The following SORCS2 variants were observed in gnomAD, a reference collection of about 807,000 sequenced individuals.
The protein encoded by SORCS2 is VPS10 domain-containing receptor SorCS2.
A neutral mutation model predicts 141.6 loss-of-function variants in SORCS2; 100 were observed. The observed-to-expected ratio is 0.71, with a 90% CI of 0.60 to 0.83. The LOEUF (loss-of-function observed/expected upper bound fraction) is 0.83, where lower values mean the gene tolerates loss of function less well. SORCS2 is among the 40% of genes least tolerant of loss of function. The probability of loss-of-function intolerance (pLI) is 0.00; values close to 1 mark genes in which losing one functional copy is unlikely to be tolerated. For synonymous variants in SORCS2, 789 were observed against 676.9 expected, an observed-to-expected ratio of 1.17 and a Z score of -2.57; for missense variants, 1,646 against 1,560.2, an observed-to-expected ratio of 1.05 and a Z score of -0.93.
At chr4:7,367,765 A>G (rs1577454030) in intron 1 of SORCS2, among the ~76,000 whole-genome samples, 2 of 152,248 alleles carry the variant, frequency 1.3e-5, no homozygotes, top group East Asian at 3.8e-4. Flanking sequence ...TTATTTTTAA[A>G]TAAACTCGGG....
intron 2 of SORCS2, chr4:7,434,509 C>A (rs1270025377): frequency 1.2e-6 from 2 of 1,612,598 alleles, no homozygotes; most frequent in African/African-American, 2.7e-5. Context: ...GTCCGGGGCC[C>A]CACGGAGCAT....
intron 1 of SORCS2, among the ~76,000 whole-genome samples, chr4:7,205,622 C>T (rs974029829): frequency 6.6e-6 from 1 of 152,158 alleles, no homozygotes; most frequent in African/African-American, 2.4e-5. Context: ...TTGTTGCCTA[C>T]TTCATAATGG....
intron 1 of SORCS2, among the ~76,000 whole-genome samples, chr4:7,315,159 C>T (rs1039600644): frequency 6.6e-6 from 1 of 152,136 alleles, no homozygotes; most frequent in Non-Finnish European, 1.5e-5. Context: ...TTGTAGCTCT[C>T]CCCTCCACTG....
intron 2 of SORCS2, among the ~76,000 whole-genome samples, chr4:7,512,430 G>A (rs1307867184): frequency 7.1e-6 from 1 of 141,024 alleles, no homozygotes; most frequent in South Asian, 2.6e-4. Context: ...GGAGGAGGGG[G>A]AAGGGAGGGA....
intron 1 of SORCS2, among the ~76,000 whole-genome samples, chr4:7,319,641 A>C (rs1463684120): frequency 1.3e-5 from 2 of 152,126 alleles, no homozygotes; most frequent in East Asian, 3.9e-4. Context: ...TTGAGTCCAG[A>C]AGATTGAGGC....
chr4:7,334,634 C>A (rs1281696270), intron 1 of SORCS2, among the ~76,000 whole-genome samples: 4 of 152,266 alleles, frequency 2.6e-5, no homozygotes, highest in South Asian at 4.1e-4. Context: ...GATTCAGAGG[C>A]GGGGAGTGTG....
At chr4:7,383,413 C>T (rs28682976) in intron 1 of SORCS2, among the ~76,000 whole-genome samples, 73,902 of 152,134 alleles carry the variant, frequency 0.49, 19,375 homozygotes, top group Non-Finnish European at 0.59. Context: ...GCAGCGCTTC[C>T]TTTGTGCCTG....
chr4:7,679,526 G>T (rs2108961041), intron 9 of SORCS2, among the ~76,000 whole-genome samples: 1 of 152,328 alleles, frequency 6.6e-6, no homozygotes, highest in East Asian at 1.9e-4. Context: ...GTCCTTATCA[G>T]AGACAGGAGA....
intron 12 of SORCS2, among the ~76,000 whole-genome samples, chr4:7,700,061 G>A (rs955352982): frequency 2.6e-5 from 4 of 152,024 alleles, no homozygotes; most frequent in African/African-American, 7.2e-5. Flanking sequence ...CAGGGCTCCC[G>A]CCCCAGCCAC....
At chr4:7,559,023 T>C (rs1714337200) in intron 3 of SORCS2, among the ~76,000 whole-genome samples, 1 of 152,188 alleles carries the variant, frequency 6.6e-6, no homozygotes, top group African/African-American at 2.4e-5. Context: ...CTTCTCTGTG[T>C]TTTGAGCCAC....
intron 6 of SORCS2, among the ~76,000 whole-genome samples, chr4:7,662,576 C>G (rs1722246152): frequency 6.6e-6 from 1 of 152,174 alleles, no homozygotes; most frequent in African/African-American, 2.4e-5. Context: ...CCAGGGTTGC[C>G]CCTGAGTAGC....
chr4:7,601,550 C>T (rs1043926627), intron 3 of SORCS2, among the ~76,000 whole-genome samples: 27 of 138,878 alleles, frequency 1.9e-4, no homozygotes, highest in African/African-American at 6.9e-4. Flanking sequence ...GCTAAGGAGC[C>T]ACAGGTTGCA....
intron 1 of SORCS2, among the ~76,000 whole-genome samples, chr4:7,359,000 G>A (rs918320884): frequency 3.3e-5 from 5 of 152,170 alleles, no homozygotes; most frequent in South Asian, 4.1e-4. Context: ...CACAACACTC[G>A]GCTAATCAAA....
intron 1 of SORCS2, among the ~76,000 whole-genome samples, chr4:7,337,106 C>G (rs4374625): frequency 6.6e-6 from 1 of 151,972 alleles, no homozygotes; most frequent in African/African-American, 2.4e-5. Context: ...TCATGACCCA[C>G]TCCCGTCTGG....
At chr4:7,309,510 G>C (rs1434152851) in intron 1 of SORCS2, among the ~76,000 whole-genome samples, 3 of 152,180 alleles carry the variant, frequency 2.0e-5, no homozygotes, top group Non-Finnish European at 4.4e-5. Flanking sequence ...CGACACAGAC[G>C]ATGGGCTCTT....
intron 8 of SORCS2, among the ~76,000 whole-genome samples, chr4:7,671,865 T>G (rs1722817077): frequency 6.6e-6 from 1 of 151,970 alleles, no homozygotes; most frequent in African/African-American, 2.4e-5. Context: ...TATCTAAAAT[T>G]TCAACAAACT....
intron 1 of SORCS2, among the ~76,000 whole-genome samples, chr4:7,374,777 T>C (rs3864208): frequency 0.7 from 106,075 of 152,008 alleles, 37,316 homozygotes; most frequent in East Asian, 0.94. Context: ...CAGCGTCACC[T>C]GGCCCCACAG....
At chr4:7,716,272 C>T (rs951728589) in intron 17 of SORCS2, among the ~76,000 whole-genome samples, 5 of 152,194 alleles carry the variant, frequency 3.3e-5, no homozygotes, top group East Asian at 3.8e-4. Context: ...GGAGGCAGGA[C>T]CAGAAATTGC....
chr4:7,384,374 C>T (rs895354231), intron 1 of SORCS2, among the ~76,000 whole-genome samples: 6 of 152,234 alleles, frequency 3.9e-5, no homozygotes, highest in South Asian at 2.1e-4. Context: ...GAGACGGTGA[C>T]GAGAAGTGGC....
Sources: allele counts gnomAD v4.1 joint callset (sites outside exome capture counted in the v4.1 genomes callset), GRCh38; gene constraint gnomAD v4.1.1; transcripts MANE v1.5; gene names NCBI Gene and HGNC (gene_info 2026-07-23, HGNC 2026-07-21).